The following PCDHGA5 variants were observed in gnomAD, a reference collection of about 807,000 sequenced individuals.
PCDHGA5 encodes the protein protocadherin gamma subfamily A, 5, also known as protocadherin gamma-A5.
PCDHGA5 carries 36 observed loss-of-function variants against 56.7 expected under a neutral mutation model. The ratio of observed to expected loss-of-function variants is 0.64; its 90% CI spans 0.49 to 0.84. PCDHGA5 has a LOEUF of 0.84. PCDHGA5 is among the 40% of genes least tolerant of loss of function. The probability of loss-of-function intolerance (pLI) is 0.00; values close to 1 mark genes in which losing one functional copy is unlikely to be tolerated. For missense variants in PCDHGA5, 1,305 were observed against 1,201.5 expected (o/e 1.09, Z -1.27); for synonymous variants, 563 against 520.2 (o/e 1.08, Z -1.12).
At chr5:141,376,590 G>C (rs569935512) in intron 1 of PCDHGA5, 2 of 1,570,070 alleles carry the variant, frequency 1.3e-6, no homozygotes, top group Admixed American at 1.8e-5. Flanking sequence ...CAGCTAGATC[G>C]GCTGTTATAG....
chr5:141,417,028 GTTT>G, intron 1 of PCDHGA5: 2 of 150,056 alleles, frequency 1.3e-5, no homozygotes, highest in East Asian at 3.9e-4. Flanking sequence ...AAAAATACAG[GTTT>G]TTTTTTTAAA....
chr5:141,374,459 A>G (rs764751595), intron 1 of PCDHGA5: 2 of 1,613,448 alleles, frequency 1.2e-6, no homozygotes, highest in Non-Finnish European at 1.7e-6. Context: ...AATAGTGGAC[A>G]TTAATGACAA....
chr5:141,502,308 C>T (rs928137926), intron 2 of PCDHGA5, among the ~76,000 whole-genome samples: 2 of 151,586 alleles, frequency 1.3e-5, no homozygotes, highest in Non-Finnish European at 2.9e-5. Flanking sequence ...CTTTCCTCTC[C>T]TTTAATCTGG....
chr5:141,481,317 C>T (rs2099535550), intron 1 of PCDHGA5, among the ~76,000 whole-genome samples: 1 of 152,182 alleles, frequency 6.6e-6, no homozygotes, highest in African/African-American at 2.4e-5. Context: ...CTTCCTAAAG[C>T]ACTAGCCCCT....
At chr5:141,468,415 G>A (rs1040067190) in intron 1 of PCDHGA5, 5 of 151,704 alleles carry the variant, frequency 3.3e-5, no homozygotes, top group Non-Finnish European at 7.4e-5. Context: ...TAATAAGTTA[G>A]ATAGCAAGGT....
chr5:141,476,142 G>T lies in PCDHGA5; in HGVS notation c.2422-18665G>T. 6.2e-7 allele frequency: 1 copy of T among 1,610,446 alleles called. No individual in the cohort carries two copies. Among genetic ancestry groups the T allele is most frequent in the South Asian group, 1.1e-5 (1 of 90,868 alleles). On this transcript the variant is annotated intron_variant, in intron 1 of 3. Coordinates refer to ENST00000518069, the MANE Select transcript of PCDHGA5 (RefSeq NM_018918.3). The surrounding 1 kb of genome is among the most constrained non-coding windows in gnomAD (Gnocchi z 7.6). Reference sequence around the variant, plus strand: ...ATGGTCCCAGAGGCCTGGAGGAGCGGACTGGTAAGCACCGGGAGGGTAGTG... The same window carrying T: ...ATGGTCCCAGAGGCCTGGAGGAGCGTACTGGTAAGCACCGGGAGGGTAGTG...
chr5:141,457,413 A>C (rs939244132), intron 1 of PCDHGA5, among the ~76,000 whole-genome samples: 6 of 152,142 alleles, frequency 3.9e-5, no homozygotes, highest in Non-Finnish European at 5.9e-5. Flanking sequence ...CACATTACCC[A>C]TCCCTTTTTC....
intron 1 of PCDHGA5, chr5:141,426,664 A>G (rs886265350): frequency 2.3e-6 from 1 of 429,248 alleles, no homozygotes; most frequent in Admixed American, 2.5e-5. Flanking sequence ...GATATAAATG[A>G]TAACCCACCT....
chr5:141,397,949 A>AGCCCCAGCTCAGAC (rs1391996511), intron 1 of PCDHGA5: 1 of 916,660 alleles, frequency 1.1e-6, no homozygotes, highest in Non-Finnish European at 1.6e-6. Context: ...TTTCCAGGGC[A>AGCCCCAGCTCAGAC]GCCCCAGCTC....
intron 1 of PCDHGA5, chr5:141,408,186 G>A (rs529140572): frequency 1.7e-4 from 266 of 1,542,242 alleles, no homozygotes; most frequent in Non-Finnish European, 2.2e-4. Flanking sequence ...GGGACCCAGC[G>A]AGAACCCGAG....
chr5:141,374,492 G>T (rs770971184), intron 1 of PCDHGA5: 1 of 1,611,364 alleles, frequency 6.2e-7, no homozygotes, highest in Non-Finnish European at 8.5e-7. Flanking sequence ...CTTAAAGGAA[G>T]AATTGGAAGT....
rs773014837 is a variant in PCDHGA5 at position 141,374,968 on chromosome 5, T to G, written c.2421+8217T>G. 114 of 1,614,056 alleles carry G rather than the reference T, an allele frequency of 7.1e-5. No individual in the cohort carries two copies. The highest frequency in any genetic ancestry group is 3.3e-4 in the Middle Eastern group (2 of 6,062). On this transcript the variant is annotated intron_variant, in intron 1 of 3. Transcript: ENST00000518069. ...AGATCTCACAAATTTTCTGTTTGAA[T>G]GTTTTGACTGGAGAAATTTCAACTT... is the stretch of plus-strand genomic sequence containing the variant.
intron 1 of PCDHGA5, among the ~76,000 whole-genome samples, chr5:141,453,518 C>G (rs1347368114): frequency 6.6e-6 from 1 of 152,114 alleles, no homozygotes; most frequent in African/African-American, 2.4e-5. Context: ...CATTCCTCCC[C>G]TATACCTTCT....
rs141958687 is a variant in PCDHGA5 at position 141,509,744 on chromosome 5, G to A, written c.2570-1203G>A. 3.3e-3 allele frequency among the ~76,000 whole-genome samples: 509 copies of A among 152,266 alleles called. 3 individuals are homozygous for A. The highest frequency in any genetic ancestry group is 5.5e-3 in the Non-Finnish European group (372 of 68,024). On this transcript the variant is annotated intron_variant, in intron 3 of 3. Coordinates refer to ENST00000518069, the MANE Select transcript of PCDHGA5 (RefSeq NM_018918.3). ...CACCTAGCTGTGGCACTCTGAGCCT[G>A]TGCCTAAAGTGTCCCTGAGATGTCT...
rs2099450974 is a variant in PCDHGA5 at position 141,478,361 on chromosome 5, G to A, written c.2422-16446G>A. 6 of 1,613,776 alleles carry A rather than the reference G, an allele frequency of 3.7e-6. No individual in the cohort carries two copies. The East Asian group carries it at 1.3e-4, about 36-fold the overall frequency. ...CTCCTTGCACGCGGACGCCGTGCGGGGAGGCCTGATGTCGCCGCACCTTTA... is the reference window on the plus strand; with the variant it reads ...CTCCTTGCACGCGGACGCCGTGCGGAGAGGCCTGATGTCGCCGCACCTTTA... On this transcript the variant is annotated intron_variant, in intron 1 of 3. Coordinates refer to ENST00000518069, the MANE Select transcript of PCDHGA5 (RefSeq NM_018918.3).
chr5:141,409,706 T>A, intron 1 of PCDHGA5: 1 of 1,613,210 alleles, frequency 6.2e-7, no homozygotes, highest in Non-Finnish European at 8.5e-7. Context: ...CCTGGCGGTG[T>A]CGTCATACGT....
chr5:141,381,459 T>C (rs565448473), intron 1 of PCDHGA5, among the ~76,000 whole-genome samples: 2 of 152,378 alleles, frequency 1.3e-5, no homozygotes, highest in South Asian at 4.1e-4. Flanking sequence ...TGCATTTTGC[T>C]CAAATGCTGT....
intron 1 of PCDHGA5, among the ~76,000 whole-genome samples, chr5:141,368,255 T>G (rs1354188654): frequency 1.3e-5 from 2 of 152,202 alleles, no homozygotes; most frequent in Non-Finnish European, 2.9e-5. Context: ...GAAAGGTTAA[T>G]TGACACATTA....
At chr5:141,381,782 A>G (rs940671211) in intron 1 of PCDHGA5, among the ~76,000 whole-genome samples, 1 of 150,898 alleles carries the variant, frequency 6.6e-6, no homozygotes, top group African/African-American at 2.5e-5. Context: ...AATCAGGAAC[A>G]AGGCAAGGCA....
Sources: allele counts gnomAD v4.1 joint callset (sites outside exome capture counted in the v4.1 genomes callset), GRCh38; gene constraint gnomAD v4.1.1; non-coding constraint Gnocchi (gnomAD v3.1); transcripts MANE v1.5; gene names NCBI Gene and HGNC (gene_info 2026-07-23, HGNC 2026-07-21).